The following DNAJC19 variants were observed in gnomAD, a reference collection of about 807,000 sequenced individuals.
DNAJC19 encodes mitochondrial import inner membrane translocase subunit TIM14.
DNAJC19 carries 15 observed loss-of-function variants against 19.8 expected under a neutral mutation model. That is an observed-to-expected ratio of 0.76 (90% confidence interval 0.51 to 1.17). DNAJC19 has a LOEUF of 1.17. Ranked by LOEUF, DNAJC19 falls within the 50% of genes most tolerant of loss-of-function variation. DNAJC19 has a pLI of 0.00. For synonymous variants in DNAJC19, 38 were observed against 42.1 expected, an observed-to-expected ratio of 0.90 and a Z score of 0.38; for missense variants, 105 against 140.9, an observed-to-expected ratio of 0.75 and a Z score of 1.29.
chr3:180,988,369 T>C (rs1715022668), intron 1 of DNAJC19, 140 bp from the exon 2 acceptor site: 2 of 1,028,280 alleles, frequency 1.9e-6, no homozygotes, highest in Non-Finnish European at 2.8e-6. Context: ...TTTTTTTTTT[T>C]TTTAAGAGAC....
intron 1 of DNAJC19, 45 bp from the exon 2 acceptor site, chr3:180,988,274 C>G (rs781677430): frequency 1.5e-5 from 24 of 1,610,700 alleles, no homozygotes; most frequent in Non-Finnish European, 2.0e-5. Flanking sequence ...CTAATTCCCA[C>G]CCTTTCTCAT....
intron 5 of DNAJC19, chr3:180,985,302 A>G (rs1714844289): frequency 6.5e-6 from 1 of 153,948 alleles, no homozygotes; most frequent in Non-Finnish European, 1.4e-5. Flanking sequence ...ATAAATGCAT[A>G]TTTATGGGGC....
In DNAJC19 at chr3:180,984,621, A is replaced by G. The variant is rs748585514; in HGVS notation, c.*19T>C. 2.6e-6 allele frequency: 4 copies of G among 1,563,152 alleles called. No homozygotes were observed. The African/African-American group carries it at 4.1e-5, about 16-fold the overall frequency. ...TATACATAAACTAATACGAACTTAAAATTCATCATACATTTACTTCATTTT... is the reference window on the plus strand; with the variant it reads ...TATACATAAACTAATACGAACTTAAGATTCATCATACATTTACTTCATTTT... On this transcript the variant is annotated 3_prime_UTR_variant, in exon 6 of 6. Coordinates refer to ENST00000382564, the MANE Select transcript of DNAJC19 (RefSeq NM_145261.4).
At chr3:180,985,831 T>C (rs1714873215) in intron 5 of DNAJC19, 95 bp downstream of exon 5, 1 of 1,090,858 alleles carries the variant, frequency 9.2e-7, no homozygotes, top group South Asian at 1.3e-5. Flanking sequence ...ATTTAAGTGT[T>C]ACCTTTCTAA....
intron 2 of DNAJC19, 34 bp downstream of exon 2, chr3:180,988,144 C>T (rs1347000793): frequency 5.6e-6 from 9 of 1,614,004 alleles, no homozygotes; most frequent in Non-Finnish European, 7.6e-6. Flanking sequence ...CCAATCTCCC[C>T]GACTTCACTT....
In DNAJC19 at chr3:180,989,701, AC is replaced by A. The variant is rs779876511; in HGVS notation, c.-100del. ...CACGCCTTTACCAGAGAGCGACGCA[AC>A]CCCCAACCTCAAGCACAGGCGCCCT... On this transcript the variant is annotated 5_prime_UTR_variant, in exon 1 of 6. Transcript: ENST00000382564. 7.1e-6 allele frequency: 11 copies of A among 1,542,422 alleles called. No individual in the cohort carries two copies. The Admixed American group carries it at 2.0e-4, about 27-fold the overall frequency.
chr3:180,989,441 AC>A, intron 1 of DNAJC19, 158 bp downstream of exon 1: 1 of 1,486,630 alleles, frequency 6.7e-7, no homozygotes, highest in Non-Finnish European at 9.0e-7. Context: ...GAGCGAGCCA[AC>A]AGGGTTGTGT....
At chr3:180,985,391 T>TCAAA (rs886131102) in intron 5 of DNAJC19, 2 of 156,812 alleles carry the variant, frequency 1.3e-5, no homozygotes, top group African/African-American at 4.8e-5. Flanking sequence ...GAAGTAGATA[T>TCAAA]CAAACAATTA....
At position 180,984,637 on chromosome 3, in the gene DNAJC19, A is replaced by G. The variant is rs777951711; in HGVS notation, c.*3T>C. The G allele has an allele frequency of 5.0e-6, 8 of 1,593,438 alleles. No homozygotes were observed. The East Asian group carries it at 1.8e-4, about 36-fold the overall frequency. ...CGAACTTAAAATTCATCATACATTT[A>G]CTTCATTTTTTAGCTTGACCTTCTA... On this transcript the variant is annotated 3_prime_UTR_variant, in exon 6 of 6. Transcript: ENST00000382564.
At position 180,983,951 on chromosome 3, in the gene DNAJC19, ACTT is replaced by A. The variant is rs1714752264; in HGVS notation, c.*686_*688del. 1 of 453,892 alleles carries A rather than the reference ACTT, an allele frequency of 2.2e-6. No individual in the cohort carries two copies. Among genetic ancestry groups the A allele is most frequent in the Non-Finnish European group, 4.4e-6 (1 of 226,750 alleles). 28.1% of individuals were successfully genotyped at this position (453,892 alleles called of 1,614,324 possible). On this transcript the variant is annotated 3_prime_UTR_variant, in exon 6 of 6. Transcript: ENST00000382564. ...AAATACTCATGCCTGTAATCCCAGT[ACTT>A]TGGGAGGCTGAGGCGGGAGGACTGC...
At chr3:180,988,861 T>A (rs1226422402) in intron 1 of DNAJC19, among the ~76,000 whole-genome samples, 3 of 144,176 alleles carry the variant, frequency 2.1e-5, no homozygotes, top group Non-Finnish European at 4.6e-5. Flanking sequence ...AAAAAAAAAA[T>A]TAGCTGGGCG....
At chr3:180,985,223 C>T (rs745974395) in intron 5 of DNAJC19, among the ~76,000 whole-genome samples, 15 of 152,192 alleles carry the variant, frequency 9.9e-5, no homozygotes, top group Admixed American at 2.6e-4. Context: ...TGCTTTCCTA[C>T]GAATCTGCTG....
rs564709350 is a variant in DNAJC19, at chr3:180,984,111, A to C, written c.*529T>G. 1.0e-4 allele frequency: 46 copies of C among 453,952 alleles called. No homozygotes were observed. The highest frequency in any genetic ancestry group is 6.3e-4 in the East Asian group (9 of 14,388). The allele number at this position is 453,952 out of a possible 1,614,324, so 28.1% of individuals were successfully genotyped here. The stretch of plus-strand genomic sequence containing the variant: ...GTACATAGAATACACACACACACAC[A>C]CCCCTAGGTCAATTTCTTAGGTCTC... On this transcript the variant is annotated 3_prime_UTR_variant, in exon 6 of 6. Coordinates refer to ENST00000382564, the MANE Select transcript of DNAJC19 (RefSeq NM_145261.4).
In DNAJC19 at chr3:180,984,428, G is replaced by A. The variant is rs190670376; in HGVS notation, c.*212C>T. Reference sequence around the variant, plus strand: ...AATGAACAATATTTCTATTCAGAAGGTGTGTGCTTGCCCATAATTAATACG... The same window carrying A: ...AATGAACAATATTTCTATTCAGAAGATGTGTGCTTGCCCATAATTAATACG... On this transcript the variant is annotated 3_prime_UTR_variant, in exon 6 of 6. Coordinates refer to ENST00000382564, the MANE Select transcript of DNAJC19 (RefSeq NM_145261.4). The A allele has an allele frequency of 2.2e-5, 13 of 580,244 alleles. No homozygotes were observed. In the East Asian group the frequency reaches 4.2e-4, roughly 19 times the overall value. The allele number at this position is 580,244 out of a possible 1,614,324, so 35.9% of individuals were successfully genotyped here.
In DNAJC19 at chr3:180,989,647, C is replaced by G. The variant is rs918515573; in HGVS notation, c.-45G>C. ...TGCTTCCACCGGGAGCACGGCTCATCCCAGCTCAGAGGCCGCGGCCAACAC... is the reference window on the plus strand; with the variant it reads ...TGCTTCCACCGGGAGCACGGCTCATGCCAGCTCAGAGGCCGCGGCCAACAC... On this transcript the variant is annotated 5_prime_UTR_variant, in exon 1 of 6. Coordinates refer to ENST00000382564, the MANE Select transcript of DNAJC19 (RefSeq NM_145261.4). The G allele has an allele frequency of 3.8e-6, 6 of 1,579,178 alleles. No homozygotes were observed. The highest frequency in any genetic ancestry group is 5.2e-6 in the Non-Finnish European group (6 of 1,163,016).
chr3:180,988,870 C>T lies in DNAJC19; in HGVS notation c.4-641G>A, dbSNP rs1236767228. Among the ~76,000 whole-genome samples the T allele has an allele frequency of 4.0e-5, 6 of 150,972 alleles. No individual in the cohort carries two copies. In the East Asian group the frequency reaches 1.2e-3, roughly 29 times the overall value. ...ACAAAAAAAAAAAAAATTAGCTGGGCGTGGTGGTGGGCGCCTGTAATCCCA... is the reference window on the plus strand; with the variant it reads ...ACAAAAAAAAAAAAAATTAGCTGGGTGTGGTGGTGGGCGCCTGTAATCCCA... On this transcript the variant is annotated intron_variant, in intron 1 of 5. Transcript: ENST00000382564.
rs1297183128 is a variant in DNAJC19, at chr3:180,989,665, G to A, written c.-63C>T. 3.2e-6 allele frequency: 5 copies of A among 1,563,432 alleles called. No individual in the cohort carries two copies. Among genetic ancestry groups the A allele is most frequent in the Non-Finnish European group, 3.5e-6 (4 of 1,154,614 alleles). On this transcript the variant is annotated 5_prime_UTR_variant, in exon 1 of 6. Coordinates refer to ENST00000382564, the MANE Select transcript of DNAJC19 (RefSeq NM_145261.4). Reference sequence around the variant, plus strand: ...GGCTCATCCCAGCTCAGAGGCCGCGGCCAACACCTGCACGCCTTTACCAGA... The same window carrying A: ...GGCTCATCCCAGCTCAGAGGCCGCGACCAACACCTGCACGCCTTTACCAGA...
chr3:180,989,791 G>A (rs1223494427), upstream of DNAJC19: 1 of 947,262 alleles, frequency 1.1e-6, no homozygotes, highest in South Asian at 1.4e-5. Context: ...GGACGCGGAG[G>A]AGAAGGAAAG....
chr3:180,988,062 C>T lies in DNAJC19; in HGVS notation c.90G>A (p.Glu30=), dbSNP rs367996239. The T allele has an allele frequency of 3.2e-5, 51 of 1,614,054 alleles. No homozygotes were observed. Among genetic ancestry groups the T allele is most frequent in the Non-Finnish European group, 4.2e-5 (49 of 1,180,038 alleles). Residue 30 remains glutamate, a synonymous_variant, in exon 3 of 6, where the codon GAG becomes GAA. Coordinates refer to ENST00000382564, the MANE Select transcript of DNAJC19 (RefSeq NM_145261.4). ...TTTGAAAAACTTGTTTTACTTGAGG[C>T]TCCATATGCTTCATGGCTTGCAAAA... ...RYVLQAMKHM[E]PQVKQVFQSL...
Sources: allele counts gnomAD v4.1 joint callset (sites outside exome capture counted in the v4.1 genomes callset), GRCh38; gene constraint gnomAD v4.1.1; transcripts MANE v1.5; gene names NCBI Gene and HGNC (gene_info 2026-07-23, HGNC 2026-07-21).